Variants in CEP112 observed in about 807,000 individuals in gnomAD.
CEP112 encodes centrosomal protein of 112 kDa.
A neutral mutation model predicts 153.0 loss-of-function variants in CEP112; 127 were observed. The ratio of observed to expected loss-of-function variants is 0.83; its 90% CI spans 0.72 to 0.96. The LOEUF is 0.96. CEP112 is among the 40% of genes least tolerant of loss of function. The pLI, the probability that CEP112 is intolerant of heterozygous loss-of-function variation, is 0.00. For synonymous variants in CEP112, 358 were observed against 374.4 expected (o/e 0.96, Z 0.51); for missense variants, 1,089 against 1,101.2 (o/e 0.99, Z 0.16).
Position 66,117,255 on chromosome 17 carries a change from A to AAAC in CEP112, c.642+12488_642+12490dup, listed in dbSNP as rs569085810. 3.9e-5 allele frequency among the ~76,000 whole-genome samples: 6 copies of AAAC among 152,180 alleles called. No individual in the cohort carries two copies. The East Asian group carries it at 1.2e-3, about 29-fold the overall frequency. ...TAGGTGAATCATGATTTTTAAAAGG[A>AAAC]AACATACTACATAGAAAAACAGAAA... On this transcript the variant is annotated intron_variant, in intron 6 of 26. Coordinates refer to ENST00000535342, the MANE Select transcript of CEP112 (RefSeq NM_001199165.4).
At chr17:65,874,391 T>G (rs181771475) in intron 20 of CEP112, among the ~76,000 whole-genome samples, 8 of 152,264 alleles carry the variant, frequency 5.3e-5, no homozygotes, top group African/African-American at 1.9e-4. Flanking sequence ...TAACAAAATC[T>G]TTAACGACCA....
rs558245207 is a variant in CEP112, at chr17:66,105,321, A to G, written c.643-8689T>C. ...AAAAACCAAGAAATTAAAACATACC[A>G]CGTGAGTAAATGGCTTTCACTAAAA... On this transcript the variant is annotated intron_variant, in intron 6 of 26. Transcript: ENST00000535342. Among the ~76,000 whole-genome samples, 3 of 152,288 alleles carry G rather than the reference A, an allele frequency of 2.0e-5. No homozygotes were observed. The East Asian group carries it at 5.8e-4, about 29-fold the overall frequency.
rs8068229 is a variant in CEP112, at chr17:66,054,005, C to A, written c.1075-126G>T. On this transcript the variant is annotated intron_variant, in intron 11 of 26. Coordinates refer to ENST00000535342, the MANE Select transcript of CEP112 (RefSeq NM_001199165.4). ...ATGATGACCTGAACACCAAAAGATA[C>A]AAAAAACCACCAGTAAACATTCAAG... The A allele has an allele frequency of 1.8e-6, 1 of 550,444 alleles. No homozygotes were observed. The allele number at this position is 550,444 out of a possible 1,614,324, so 34.1% of individuals were successfully genotyped here. A position where few individuals can be genotyped will look rare whatever the true frequency, so the allele number is the denominator to read the frequency against.
chr17:65,779,947 T>C (rs2053906711), intron 21 of CEP112, among the ~76,000 whole-genome samples: 1 of 152,056 alleles, frequency 6.6e-6, no homozygotes, highest in Admixed American at 6.6e-5. Context: ...ATACTGGACC[T>C]ACTGAGTTTC....
rs953093974 is a variant in CEP112, at chr17:65,747,380, G to GGT, written c.2457+3280_2457+3281dup. Among the ~76,000 whole-genome samples the GGT allele has an allele frequency of 2.6e-4, 39 of 152,278 alleles. 1 individual carries two copies. Among genetic ancestry groups the GGT allele is most frequent in the African/African-American group, 9.4e-4 (39 of 41,568 alleles). On this transcript the variant is annotated intron_variant, in intron 22 of 26. Transcript: ENST00000535342. ...CAGGCATTGGGTAGTGTGGGACAGT[G>GGT]GTAGGAGACACTCGTCCCTTGGCAG...
intron 9 of CEP112, among the ~76,000 whole-genome samples, chr17:66,069,579 C>T (rs1052642118): frequency 1.6e-4 from 25 of 151,940 alleles, no homozygotes; most frequent in African/African-American, 6.0e-4. Flanking sequence ...CTAGTATTTA[C>T]CATTGATGTC....
chr17:66,025,623 A>C (rs1404417708), intron 16 of CEP112, among the ~76,000 whole-genome samples: 1 of 152,154 alleles, frequency 6.6e-6, no homozygotes, highest in Non-Finnish European at 1.5e-5. Context: ...TCTAGTCAGA[A>C]TGGCTATTAT....
chr17:66,063,165 G>C (rs1022781922), intron 10 of CEP112, 84 bp from the exon 11 acceptor site: 4 of 519,550 alleles, frequency 7.7e-6, no homozygotes, highest in African/African-American at 5.9e-5. Context: ...CCAGTTAGTA[G>C]GTAATTCAAT....
At position 66,005,831 on chromosome 17, in the gene CEP112, A is replaced by T; in HGVS notation, c.1657-62T>A. The T allele has an allele frequency of 2.2e-6, 3 of 1,376,774 alleles. No individual in the cohort carries two copies. In the South Asian group the frequency reaches 3.9e-5, roughly 18 times the overall value. 85.3% of individuals were successfully genotyped at this position (1,376,774 alleles called of 1,614,324 possible). A position where few individuals can be genotyped will look rare whatever the true frequency, so the allele number is the denominator to read the frequency against. On this transcript the variant is annotated intron_variant, in intron 16 of 26. Transcript: ENST00000535342. Reference sequence around the variant, plus strand: ...CGAGTAAAGTTTACTTCAAAGAGACATACAAACAATGAAACAGTGATCACA... The same window carrying T: ...CGAGTAAAGTTTACTTCAAAGAGACTTACAAACAATGAAACAGTGATCACA...
In CEP112 at chr17:66,100,482, C is replaced by A. The variant is rs1442799057; in HGVS notation, c.643-3850G>T. ...GTAACAGCAAGAGATAAAGATAGGA[C>A]CTGAAGCCAAAAACCAGGAAATAAA... is the stretch of plus-strand genomic sequence containing the variant. On this transcript the variant is annotated intron_variant, in intron 6 of 26. Coordinates refer to ENST00000535342, the MANE Select transcript of CEP112 (RefSeq NM_001199165.4). Among the ~76,000 whole-genome samples, 9 of 147,748 alleles carry A rather than the reference C, an allele frequency of 6.1e-5. No homozygotes were observed. In the South Asian group the frequency reaches 1.3e-3, roughly 21 times the overall value.
At chr17:65,923,156 T>A (rs923210757) in intron 19 of CEP112, among the ~76,000 whole-genome samples, 21 of 152,100 alleles carry the variant, frequency 1.4e-4, no homozygotes, top group African/African-American at 3.6e-4. Flanking sequence ...ACCATTTTTT[T>A]AAAAAAAAGA....
intron 24 of CEP112, among the ~76,000 whole-genome samples, chr17:65,652,859 T>C (rs929455527): frequency 6.2e-4 from 94 of 152,320 alleles, no homozygotes; most frequent in African/African-American, 2.1e-3. Flanking sequence ...ATTGAGCAGA[T>C]TAATCAATAA....
At chr17:65,932,550 T>C (rs948934124) in intron 18 of CEP112, among the ~76,000 whole-genome samples, 8 of 152,208 alleles carry the variant, frequency 5.3e-5, no homozygotes, top group Non-Finnish European at 1.2e-4. Context: ...AGAGGTTTAA[T>C]TGGCTCACAG....
intron 1 of CEP112, among the ~76,000 whole-genome samples, chr17:66,184,943 C>T (rs151298545): frequency 0.034 from 5,189 of 152,198 alleles, 131 homozygotes; most frequent in Middle Eastern, 0.061. Context: ...AACATGGAAA[C>T]TTCAAATCCT....
At chr17:65,985,919 A>G (rs2063390736) in intron 17 of CEP112, among the ~76,000 whole-genome samples, 1 of 151,664 alleles carries the variant, frequency 6.6e-6, no homozygotes. Flanking sequence ...GTTTAGGCCT[A>G]CAAACTAATC....
chr17:65,975,317 A>G (rs1599227233), intron 17 of CEP112, among the ~76,000 whole-genome samples: 2 of 152,234 alleles, frequency 1.3e-5, no homozygotes, highest in East Asian at 3.8e-4. Flanking sequence ...AAACTGTTGA[A>G]TTTGACTAGA....
chr17:65,863,491 G>A (rs2058374472), intron 20 of CEP112, among the ~76,000 whole-genome samples: 1 of 152,158 alleles, frequency 6.6e-6, no homozygotes, highest in Admixed American at 6.5e-5. Context: ...AAATGGGCCG[G>A]GCGCGGTGGC....
At chr17:66,063,197 G>C in intron 10 of CEP112, 116 bp from the exon 11 acceptor site, 1 of 464,040 alleles carries the variant, frequency 2.2e-6, no homozygotes, top group South Asian at 4.6e-5. Flanking sequence ...TCTTCTCAAT[G>C]CTTTCTTCTA....
At chr17:66,035,006 A>C (rs74874438) in intron 12 of CEP112, among the ~76,000 whole-genome samples, 1 of 83,718 alleles carries the variant, frequency 1.2e-5, no homozygotes, top group African/African-American at 3.9e-5. Flanking sequence ...ATATATATAT[A>C]TATTTTTTTT....
Sources: allele counts gnomAD v4.1 joint callset (sites outside exome capture counted in the v4.1 genomes callset), GRCh38; gene constraint gnomAD v4.1.1; transcripts MANE v1.5; gene names NCBI Gene and HGNC (gene_info 2026-07-23, HGNC 2026-07-21).